THSD4: variants seen among roughly 807,000 people sequenced by gnomAD.
The protein encoded by THSD4 is thrombospondin type-1 domain-containing protein 4.
A neutral mutation model predicts 119.0 loss-of-function variants in THSD4; 69 were observed. The observed-to-expected ratio is 0.58, with a 90% confidence interval of 0.48 to 0.71. The LOEUF (loss-of-function observed/expected upper bound fraction) is 0.71, where lower values mean the gene tolerates loss of function less well. Among genes scored for constraint, THSD4 ranks in the 30% least tolerant of loss-of-function variants. THSD4 has a pLI of 0.00. For synonymous variants in THSD4, 524 were observed against 540.4 expected, an observed-to-expected ratio of 0.97 and a Z score of 0.42; for missense variants, 1,393 against 1,391.1, an observed-to-expected ratio of 1.00 and a Z score of -0.02.
At chr15:71,627,597 T>C (rs923307139) in intron 7 of THSD4, among the ~76,000 whole-genome samples, 4 of 152,160 alleles carry the variant, frequency 2.6e-5, no homozygotes, top group African/African-American at 9.7e-5. Context: ...AGAAATCTCA[T>C]ATGAGGACCG....
At chr15:71,221,420 A>G (rs2043974921) in intron 4 of THSD4, among the ~76,000 whole-genome samples, 1 of 152,192 alleles carries the variant, frequency 6.6e-6, no homozygotes, top group African/African-American at 2.4e-5. Flanking sequence ...TGTACCCATG[A>G]AACAATAACT....
At chr15:71,510,938 A>G (rs1051198168) in intron 7 of THSD4, among the ~76,000 whole-genome samples, 3 of 151,836 alleles carry the variant, frequency 2.0e-5, no homozygotes, top group African/African-American at 7.3e-5. Flanking sequence ...TGGTCGAGTG[A>G]TGTTTTGTGT....
chr15:71,168,755 T>A (rs1166460091), intron 3 of THSD4, among the ~76,000 whole-genome samples: 2 of 152,146 alleles, frequency 1.3e-5, no homozygotes, highest in Non-Finnish European at 2.9e-5. Flanking sequence ...TGTCTTGCAG[T>A]TGGATATTGA....
chr15:71,236,300 A>G (rs1183475314), intron 4 of THSD4, among the ~76,000 whole-genome samples: 1 of 152,214 alleles, frequency 6.6e-6, no homozygotes, highest in Non-Finnish European at 1.5e-5. Flanking sequence ...CTATAGCTGC[A>G]GGCTGCTGAC....
At chr15:71,687,299 A>G (rs190519523) in intron 8 of THSD4, among the ~76,000 whole-genome samples, 2 of 152,328 alleles carry the variant, frequency 1.3e-5, no homozygotes, top group African/African-American at 4.8e-5. Context: ...ATGAAAAATT[A>G]TGCTATAATT....
Position 71,744,543 on chromosome 15 carries a change from C to G in THSD4, c.1907-563C>G, listed in dbSNP as rs142656230. Among the ~76,000 whole-genome samples the G allele has an allele frequency of 3.9e-5, 6 of 152,264 alleles. No homozygotes were observed. The South Asian group carries it at 6.2e-4, about 16-fold the overall frequency. On this transcript the variant is annotated intron_variant, in intron 11 of 17. Transcript: ENST00000261862. ...GAATCTTCTACTTCTGTGCTTCAAC[C>G]TATCCCTTAAATGTACCTGGTGTAG...
intron 8 of THSD4, among the ~76,000 whole-genome samples, chr15:71,676,607 G>T (rs2051657193): frequency 6.6e-6 from 1 of 152,098 alleles, no homozygotes; most frequent in Non-Finnish European, 1.5e-5. Flanking sequence ...CCCAAAAGCT[G>T]TACTCAGTAA....
At chr15:71,427,720 A>G (rs562452931) in intron 7 of THSD4, among the ~76,000 whole-genome samples, 1 of 151,396 alleles carries the variant, frequency 6.6e-6, no homozygotes, top group Non-Finnish European at 1.5e-5. Flanking sequence ...TAGTTCCTCC[A>G]AGGTATGCAC....
chr15:71,585,725 C>T (rs1458411394), intron 7 of THSD4, among the ~76,000 whole-genome samples: 2 of 152,084 alleles, frequency 1.3e-5, no homozygotes, highest in Non-Finnish European at 2.9e-5. Flanking sequence ...TATATTGGTT[C>T]ACTTGATGGT....
At chr15:71,485,119 C>T (rs930941069) in intron 7 of THSD4, among the ~76,000 whole-genome samples, 1 of 152,172 alleles carries the variant, frequency 6.6e-6, no homozygotes, top group African/African-American at 2.4e-5. Context: ...TAATCAGTAA[C>T]CACTACCGCC....
intron 6 of THSD4, among the ~76,000 whole-genome samples, chr15:71,346,543 C>T (rs2045662603): frequency 6.6e-6 from 1 of 152,196 alleles, no homozygotes; most frequent in Admixed American, 6.5e-5. Flanking sequence ...TTGAGCACTT[C>T]TTCACTTTCA....
intron 7 of THSD4, among the ~76,000 whole-genome samples, chr15:71,614,671 T>C (rs992423390): frequency 6.6e-6 from 1 of 152,100 alleles, no homozygotes; most frequent in African/African-American, 2.4e-5. Context: ...AGTTCAAGTA[T>C]AGGAAGAGAA....
At position 71,624,159 on chromosome 15, in the gene THSD4, T is replaced by G. The variant is rs866409539; in HGVS notation, c.1153-36371T>G. Among the ~76,000 whole-genome samples the G allele has an allele frequency of 4.6e-5, 7 of 152,190 alleles. No individual in the cohort carries two copies. The South Asian group carries it at 8.3e-4, about 18-fold the overall frequency. ...CCTACAGGGAGTTCTGGAGCCACAA[T>G]GACCTTTCAGAGTTGTCCCAATAGA... On this transcript the variant is annotated intron_variant, in intron 7 of 17. Transcript: ENST00000261862.
At chr15:71,281,405 A>G (rs1274153104) in intron 6 of THSD4, among the ~76,000 whole-genome samples, 6 of 152,346 alleles carry the variant, frequency 3.9e-5, no homozygotes, top group South Asian at 2.1e-4. Flanking sequence ...CTCCATAGAA[A>G]TGTGATTCAA....
intron 7 of THSD4, among the ~76,000 whole-genome samples, chr15:71,548,330 A>G (rs905269053): frequency 6.6e-6 from 1 of 152,192 alleles, no homozygotes; most frequent in African/African-American, 2.4e-5. Flanking sequence ...GTCTTTGAAA[A>G]GCCAAATGAA....
chr15:71,752,184 G>A (rs1238974996), intron 14 of THSD4, among the ~76,000 whole-genome samples: 1 of 152,102 alleles, frequency 6.6e-6, no homozygotes, highest in Admixed American at 6.6e-5. Flanking sequence ...AACTCTGTGG[G>A]GAAAATAGCT....
chr15:71,753,985 A>T (rs1245774027), intron 14 of THSD4, among the ~76,000 whole-genome samples: 1 of 152,198 alleles, frequency 6.6e-6, no homozygotes, highest in Admixed American at 6.5e-5. Context: ...GAAAGCAGAA[A>T]ATTAAGTTAG....
At chr15:71,382,515 A>G (rs565147497) in intron 6 of THSD4, among the ~76,000 whole-genome samples, 57 of 152,202 alleles carry the variant, frequency 3.7e-4, no homozygotes, top group African/African-American at 1.3e-3. Flanking sequence ...TTATCCAGTC[A>G]TTCTTTTCTT....
chr15:71,474,178 A>G (rs2047624904), intron 7 of THSD4, among the ~76,000 whole-genome samples: 1 of 152,112 alleles, frequency 6.6e-6, no homozygotes, highest in South Asian at 2.1e-4. Context: ...TTGCACACAA[A>G]TGGGAACATT....
Sources: gnomAD v4.1 joint callset for allele counts (sites outside exome capture counted in the v4.1 genomes callset) on GRCh38, gnomAD v4.1.1 for gene constraint, MANE v1.5 for transcripts, NCBI Gene and HGNC (gene_info 2026-07-23, HGNC 2026-07-21) for gene names.